CD48: variants seen among roughly 807,000 people sequenced by gnomAD.
CD48 encodes CD48 antigen.
In CD48, 20 loss-of-function variants were observed where a neutral mutation model predicts 22.0. That is an observed-to-expected ratio of 0.91 (90% confidence interval 0.64 to 1.32). CD48 has a LOEUF of 1.32. Among genes scored for constraint, CD48 ranks in the 40% most tolerant of loss-of-function variants. CD48 has a pLI of 0.00. For missense variants in CD48, 307 were observed against 286.5 expected (o/e 1.07, Z -0.52); for synonymous variants, 110 against 110.1 (o/e 1.00, Z 0.01).
intron 1 of CD48, among the ~76,000 whole-genome samples, chr1:160,705,712 G>C (rs140444120): frequency 6.6e-6 from 1 of 152,246 alleles, no homozygotes; most frequent in Non-Finnish European, 1.5e-5. Context: ...TGAATTAATA[G>C]AAGCGGTCAT....
intron 1 of CD48, among the ~76,000 whole-genome samples, chr1:160,702,057 G>A (rs889050352): frequency 2.6e-5 from 4 of 152,106 alleles, no homozygotes; most frequent in African/African-American, 7.2e-5. Context: ...CTCACCAGAC[G>A]CAATGGAAAT....
At chr1:160,685,210 G>A in intron 1 of CD48, 21 bp from the exon 2 acceptor site, 1 of 1,585,726 alleles carries the variant, frequency 6.3e-7, no homozygotes, top group Non-Finnish European at 8.6e-7. Flanking sequence ...GATTCAGAGT[G>A]AGACCTGCGC....
At chr1:160,698,518 T>C (rs960101514) in intron 1 of CD48, among the ~76,000 whole-genome samples, 2 of 152,184 alleles carry the variant, frequency 1.3e-5, no homozygotes, top group African/African-American at 4.8e-5. Flanking sequence ...AAAAGAATTC[T>C]ACAAGATTGT....
chr1:160,684,748 C>A (rs1661926689), intron 2 of CD48, 139 bp downstream of exon 2: 1 of 1,598,430 alleles, frequency 6.3e-7, no homozygotes, highest in South Asian at 1.1e-5. Context: ...AGAATTGGAT[C>A]AAGGAAAAAT....
At chr1:160,706,916 G>A (rs1340884786) in intron 1 of CD48, among the ~76,000 whole-genome samples, 1 of 152,162 alleles carries the variant, frequency 6.6e-6, no homozygotes, top group Non-Finnish European at 1.5e-5. Context: ...CACATGGTTG[G>A]CTTCTTTGGT....
intron 1 of CD48, among the ~76,000 whole-genome samples, chr1:160,705,615 A>G (rs1017180036): frequency 9.9e-5 from 15 of 152,222 alleles, no homozygotes; most frequent in Admixed American, 2.0e-4. Context: ...CTCTTGGAGC[A>G]TACAGCCTAG....
chr1:160,681,555 G>T, intron 2 of CD48, 87 bp from the exon 3 acceptor site: 2 of 1,507,058 alleles, frequency 1.3e-6, no homozygotes, highest in South Asian at 1.3e-5. Context: ...GGGATCCAGG[G>T]AAGGGGCCTG....
chr1:160,689,910 A>G (rs1367833423), intron 1 of CD48, among the ~76,000 whole-genome samples: 1 of 152,186 alleles, frequency 6.6e-6, no homozygotes, highest in Non-Finnish European at 1.5e-5. Context: ...GCCTTCGTTT[A>G]TGGAAAATTT....
rs565605399 is a variant in CD48, at chr1:160,704,623, A to C, written c.82+7059T>G. On this transcript the variant is annotated intron_variant, in intron 1 of 3. Transcript: ENST00000368046. ...AGTAGCAAAGTATTGTGGAAGCACG[A>C]AGGCATTTAATTAACTAAAATTATG... 5.3e-5 allele frequency among the ~76,000 whole-genome samples: 8 copies of C among 152,354 alleles called. No individual in the cohort carries two copies. The South Asian group carries it at 1.7e-3, about 32-fold the overall frequency.
intron 1 of CD48, among the ~76,000 whole-genome samples, chr1:160,709,315 C>T (rs1421323508): frequency 3.3e-5 from 5 of 152,084 alleles, no homozygotes; most frequent in South Asian, 2.1e-4. Flanking sequence ...TCATCTGTAT[C>T]GGATTCCGCA....
At chr1:160,685,214 C>A (rs1003794000) in intron 1 of CD48, 25 bp from the exon 2 acceptor site, 21 of 1,578,876 alleles carry the variant, frequency 1.3e-5, no homozygotes, top group Non-Finnish European at 1.5e-5. Flanking sequence ...CAGAGTGAGA[C>A]CTGCGCTAGA....
chr1:160,689,330 G>T (rs1176865815), intron 1 of CD48, among the ~76,000 whole-genome samples: 2 of 152,094 alleles, frequency 1.3e-5, no homozygotes, highest in Admixed American at 6.5e-5. Context: ...TTCTGCAGGA[G>T]CATCTATCTA....
At chr1:160,681,570 C>A in intron 2 of CD48, 102 bp from the exon 3 acceptor site, 1 of 1,408,408 alleles carries the variant, frequency 7.1e-7, no homozygotes, top group Non-Finnish European at 9.7e-7. Flanking sequence ...GGCCTGAATG[C>A]CCCAGGAGGC....
At chr1:160,708,334 G>A (rs1662852862) in intron 1 of CD48, among the ~76,000 whole-genome samples, 1 of 152,160 alleles carries the variant, frequency 6.6e-6, no homozygotes, top group Non-Finnish European at 1.5e-5. Context: ...ATTTCCCACA[G>A]TGGCCACTAA....
At position 160,681,702 on chromosome 1, in the gene CD48, G is replaced by C. The variant is rs1046115915; in HGVS notation, c.386-234C>G. On this transcript the variant is annotated intron_variant, in intron 2 of 3. Coordinates refer to ENST00000368046, the MANE Select transcript of CD48 (RefSeq NM_001778.4). ...GAAGCTAAGCTGCGTCCTGGAGGGG[G>C]CGCCACAGTCCATCATATGCTCTGG... 5.9e-5 allele frequency among the ~76,000 whole-genome samples: 9 copies of C among 152,166 alleles called. 1 individual carries two copies. The East Asian group carries it at 9.6e-4, about 16-fold the overall frequency.
chr1:160,692,484 T>C (rs1662258061), intron 1 of CD48, among the ~76,000 whole-genome samples: 1 of 152,024 alleles, frequency 6.6e-6, no homozygotes, highest in South Asian at 2.1e-4. Context: ...AAGCGCAGGT[T>C]AGAGAAAATA....
chr1:160,697,242 A>G (rs796315692), intron 1 of CD48, among the ~76,000 whole-genome samples: 1 of 148,476 alleles, frequency 6.7e-6, no homozygotes, highest in Non-Finnish European at 1.5e-5. Flanking sequence ...CCAGGAGAAA[A>G]TCAGCTTCCT....
chr1:160,683,357 C>A (rs1462806606), intron 2 of CD48, among the ~76,000 whole-genome samples: 1 of 152,154 alleles, frequency 6.6e-6, no homozygotes, highest in Admixed American at 6.5e-5. Context: ...GGAAATCTTA[C>A]CCTCAGGCAG....
At chr1:160,691,529 C>A (rs569992928) in intron 1 of CD48, among the ~76,000 whole-genome samples, 2 of 152,204 alleles carry the variant, frequency 1.3e-5, no homozygotes, top group African/African-American at 2.4e-5. Flanking sequence ...CCACTATTGT[C>A]TTGTGACCCT....
Sources: allele counts gnomAD v4.1 joint callset (sites outside exome capture counted in the v4.1 genomes callset), GRCh38; gene constraint gnomAD v4.1.1; transcripts MANE v1.5; gene names NCBI Gene and HGNC (gene_info 2026-07-23, HGNC 2026-07-21).